Variants in FAM240A observed in about 807,000 individuals in gnomAD.
FAM240A encodes protein FAM240A.
A neutral mutation model predicts 7.3 loss-of-function variants in FAM240A; 8 were observed. The ratio of observed to expected loss-of-function variants is 1.09; its 90% CI spans 0.64 to 1.97. The LOEUF (loss-of-function observed/expected upper bound fraction) is 1.97, where lower values mean the gene tolerates loss of function less well. FAM240A is among the 30% of genes most tolerant of loss of function. FAM240A has a pLI of 0.00. For synonymous variants in FAM240A, 32 were observed against 35.9 expected, an observed-to-expected ratio of 0.89 and a Z score of 0.38; for missense variants, 90 against 102.2, an observed-to-expected ratio of 0.88 and a Z score of 0.52.
chr3:46,617,089 T>C (rs1357514587), intron 1 of FAM240A, 94 bp from the exon 2 acceptor site: 3 of 838,090 alleles, frequency 3.6e-6, no homozygotes, highest in Non-Finnish European at 5.4e-6. Context: ...AGGTATCTCA[T>C]TGTGGTTTTA....
intron 2 of FAM240A, among the ~76,000 whole-genome samples, chr3:46,619,151 T>C (rs1311419994): frequency 2.0e-5 from 3 of 152,038 alleles, no homozygotes; most frequent in African/African-American, 7.2e-5. Flanking sequence ...ATCCAGGATC[T>C]AATAGGGCAG....
At chr3:46,615,609 G>A (rs1219677811) in intron 1 of FAM240A, among the ~76,000 whole-genome samples, 1 of 152,068 alleles carries the variant, frequency 6.6e-6, no homozygotes, top group Non-Finnish European at 1.5e-5. Context: ...GCCCTTCCTG[G>A]GATAAGGTCC....
chr3:46,616,947 A>G (rs1474239273), intron 1 of FAM240A, among the ~76,000 whole-genome samples: 1 of 152,204 alleles, frequency 6.6e-6, no homozygotes, highest in Non-Finnish European at 1.5e-5. Context: ...TGTTTTCCAA[A>G]GAGGTTGTAC....
In FAM240A at chr3:46,612,627, C is replaced by T. The variant is rs1697578105; in HGVS notation, c.-57C>T. Reference sequence around the variant, plus strand: ...CTCCTGGGGCAGCACAGATGCCTCACAGGCGGTCAAGTGCGACACATTTGG... The same window carrying T: ...CTCCTGGGGCAGCACAGATGCCTCATAGGCGGTCAAGTGCGACACATTTGG... On this transcript the variant is annotated 5_prime_UTR_variant, in exon 1 of 3. Coordinates refer to ENST00000640551, the MANE Select transcript of FAM240A (RefSeq NM_001195442.2). 1 of 1,473,542 alleles carries T rather than the reference C, an allele frequency of 6.8e-7. No homozygotes were observed. The highest frequency in any genetic ancestry group is 1.4e-5 in the African/African-American group (1 of 72,254). 91.3% of individuals were successfully genotyped at this position (1,473,542 alleles called of 1,614,324 possible). A position where few individuals can be genotyped will look rare whatever the true frequency, so the allele number is the denominator to read the frequency against.
intron 2 of FAM240A, among the ~76,000 whole-genome samples, chr3:46,622,106 CTTTTTTTTTT>C (rs1171256555): frequency 2.5e-5 from 2 of 79,676 alleles, no homozygotes; most frequent in Non-Finnish European, 5.1e-5. Context: ...AGAAAATTTT[CTTTTTTTTTT>C]TTTTTTTTTT....
At chr3:46,621,395 T>G (rs1697693609) in intron 2 of FAM240A, among the ~76,000 whole-genome samples, 1 of 152,208 alleles carries the variant, frequency 6.6e-6, no homozygotes, top group Non-Finnish European at 1.5e-5. Context: ...TTTATTAGCA[T>G]TTGCCTTATA....
rs1697762590 is a variant in FAM240A at position 46,626,493 on chromosome 3, A to G, written c.*1275A>G. On this transcript the variant is annotated 3_prime_UTR_variant, in exon 3 of 3. Transcript: ENST00000640551. ...TGGTTCTCTTGTCCAGCCCACTGCTACTGGACCATCCCTATGTAAGTTCCC... is the reference window on the plus strand; with the variant it reads ...TGGTTCTCTTGTCCAGCCCACTGCTGCTGGACCATCCCTATGTAAGTTCCC... The G allele has an allele frequency of 6.6e-6, 1 of 152,236 alleles. No individual in the cohort carries two copies. The highest frequency in any genetic ancestry group is 6.5e-5 in the Admixed American group (1 of 15,288). The allele number at this position is 152,236 out of a possible 1,614,324, so 9.4% of individuals were successfully genotyped here.
At chr3:46,623,990 T>C (rs983454201) in intron 2 of FAM240A, among the ~76,000 whole-genome samples, 1 of 152,180 alleles carries the variant, frequency 6.6e-6, no homozygotes, top group African/African-American at 2.4e-5. Flanking sequence ...TGAGTATTTT[T>C]TATGATTCCA....
chr3:46,616,780 C>A (rs1697634827), intron 1 of FAM240A, among the ~76,000 whole-genome samples: 1 of 151,896 alleles, frequency 6.6e-6, no homozygotes, highest in South Asian at 2.1e-4. Context: ...TAGTTTGACT[C>A]CATATCTTTG....
rs1423783817 is a variant in FAM240A, at chr3:46,626,391, G to A, written c.*1173G>A. Reference sequence around the variant, plus strand: ...ACAGGGGATCAAAGCCTTCTGTTTTGGGTTAGATGGTGGTTGCTAGGTGGA... The same window carrying A: ...ACAGGGGATCAAAGCCTTCTGTTTTAGGTTAGATGGTGGTTGCTAGGTGGA... On this transcript the variant is annotated 3_prime_UTR_variant, in exon 3 of 3. Transcript: ENST00000640551. The A allele has an allele frequency of 6.6e-6, 1 of 152,178 alleles. No individual in the cohort carries two copies. The highest frequency in any genetic ancestry group is 2.4e-5 in the African/African-American group (1 of 41,432). 9.4% of individuals were successfully genotyped at this position (152,178 alleles called of 1,614,324 possible).
At chr3:46,619,555 T>G (rs1412902089) in intron 2 of FAM240A, among the ~76,000 whole-genome samples, 1 of 152,190 alleles carries the variant, frequency 6.6e-6, no homozygotes, top group African/African-American at 2.4e-5. Flanking sequence ...ACACAGATGC[T>G]GCCGTCTCCC....
chr3:46,622,053 C>A (rs1420739877), intron 2 of FAM240A, among the ~76,000 whole-genome samples: 1 of 136,438 alleles, frequency 7.3e-6, no homozygotes, highest in Non-Finnish European at 1.6e-5. Flanking sequence ...TGGGTTTATT[C>A]TTTTGCAGAG....
chr3:46,613,080 A>C (rs1697585508), intron 1 of FAM240A, among the ~76,000 whole-genome samples: 1 of 152,196 alleles, frequency 6.6e-6, no homozygotes, highest in South Asian at 2.1e-4. Context: ...GTCCAAAGAC[A>C]GAAGAAGCTT....
intron 2 of FAM240A, among the ~76,000 whole-genome samples, chr3:46,624,262 C>CTTTTT (rs1452049118): frequency 6.8e-5 from 7 of 103,460 alleles, no homozygotes; most frequent in African/African-American, 2.3e-4. Context: ...CAACGGTGGG[C>CTTTTT]TATTTTTTTT....
At position 46,617,330 on chromosome 3, in the gene FAM240A, T is replaced by A; in HGVS notation, c.161+2T>A. ...TCTGGGAAGAAGCGCACTGAGAAAG[T>A]ATGTGGCTTGTTTGTCTACTTTTTA... On this transcript the variant is annotated splice_donor_variant, in intron 2 of 2. Transcript: ENST00000640551. LOFTEE classifies it high-confidence loss of function. The A allele has an allele frequency of 6.6e-7, 1 of 1,517,218 alleles. No individual in the cohort carries two copies. The highest frequency in any genetic ancestry group is 1.2e-5 in the South Asian group (1 of 80,304). The allele number at this position is 1,517,218 out of a possible 1,614,324, so 94.0% of individuals were successfully genotyped here.
At position 46,626,345 on chromosome 3, in the gene FAM240A, ATCC is replaced by A. The variant is rs1697761159; in HGVS notation, c.*1129_*1131del. 1 of 152,200 alleles carries A rather than the reference ATCC, an allele frequency of 6.6e-6. No individual in the cohort carries two copies. Among genetic ancestry groups the A allele is most frequent in the South Asian group, 2.1e-4 (1 of 4,828 alleles). The allele number at this position is 152,200 out of a possible 1,614,324, so 9.4% of individuals were successfully genotyped here. The stretch of plus-strand genomic sequence containing the variant: ...GTGAAGGACACCTGAACCCCCAGCC[ATCC>A]TTTGGAACATAGGTTGTACAGGGGA... On this transcript the variant is annotated 3_prime_UTR_variant, in exon 3 of 3. Coordinates refer to ENST00000640551, the MANE Select transcript of FAM240A (RefSeq NM_001195442.2).
intron 2 of FAM240A, among the ~76,000 whole-genome samples, chr3:46,618,566 T>C (rs1697655804): frequency 6.6e-6 from 1 of 151,712 alleles, no homozygotes; most frequent in Non-Finnish European, 1.5e-5. Flanking sequence ...TGCGGCCGGG[T>C]GCGGTGACTC....
At chr3:46,624,421 G>A (rs950930706) in intron 2 of FAM240A, among the ~76,000 whole-genome samples, 3 of 151,718 alleles carry the variant, frequency 2.0e-5, no homozygotes, top group Non-Finnish European at 4.4e-5. Flanking sequence ...GCAGGCACCC[G>A]CCACCATGAT....
At chr3:46,624,353 C>T (rs909176566) in intron 2 of FAM240A, among the ~76,000 whole-genome samples, 1 of 146,346 alleles carries the variant, frequency 6.8e-6, no homozygotes, top group Non-Finnish European at 1.5e-5. Flanking sequence ...CTCACTGCAA[C>T]CTCCTCCTCC....
Sources: allele counts gnomAD v4.1 joint callset (sites outside exome capture counted in the v4.1 genomes callset), GRCh38; gene constraint gnomAD v4.1.1; transcripts MANE v1.5; gene names NCBI Gene and HGNC (gene_info 2026-07-23, HGNC 2026-07-21).